OSBPL6: variants seen among roughly 807,000 people sequenced by gnomAD.
OSBPL6 encodes the protein oxysterol-binding protein-related protein 6.
A neutral mutation model predicts 125.8 loss-of-function variants in OSBPL6; 49 were observed. That is an observed-to-expected ratio of 0.39 (90% confidence interval 0.31 to 0.49). The LOEUF is 0.49. Ranked by LOEUF, OSBPL6 falls within the 20% of genes least tolerant of loss-of-function variation. The pLI is 0.88. For synonymous variants in OSBPL6, 394 were observed against 391.8 expected (o/e 1.01, Z -0.07); for missense variants, 986 against 1,135.4 (o/e 0.87, Z 1.89).
At chr2:178,285,908 T>C (rs1684658504) in intron 2 of OSBPL6, among the ~76,000 whole-genome samples, 1 of 152,206 alleles carries the variant, frequency 6.6e-6, no homozygotes, top group African/African-American at 2.4e-5. Flanking sequence ...ACATATATGA[T>C]TTGGGAAAGT....
At chr2:178,244,199 T>C (rs1310699150) in intron 1 of OSBPL6, among the ~76,000 whole-genome samples, 1 of 152,192 alleles carries the variant, frequency 6.6e-6, no homozygotes, top group East Asian at 1.9e-4. Context: ...CACATGCTAC[T>C]CCCTCTGTCT....
At chr2:178,267,485 A>C in intron 1 of OSBPL6, among the ~76,000 whole-genome samples, 1 of 152,314 alleles carries the variant, frequency 6.6e-6, no homozygotes, top group East Asian at 1.9e-4. Context: ...GATGAAAAGA[A>C]AACTGAAAAT....
At chr2:178,234,026 A>T (rs575212638) in intron 1 of OSBPL6, among the ~76,000 whole-genome samples, 1 of 152,156 alleles carries the variant, frequency 6.6e-6, no homozygotes, top group Non-Finnish European at 1.5e-5. Context: ...CAGCTATTTA[A>T]TAATACTAAT....
At chr2:178,332,799 CGA>C in intron 7 of OSBPL6, 45 bp downstream of exon 7, 2 of 1,610,002 alleles carry the variant, frequency 1.2e-6, no homozygotes, top group Non-Finnish European at 1.7e-6. Flanking sequence ...TCAGGGGAAA[CGA>C]TTTGCCTACA....
chr2:178,246,743 A>G (rs1317737828), intron 1 of OSBPL6, among the ~76,000 whole-genome samples: 3 of 152,184 alleles, frequency 2.0e-5, no homozygotes, highest in Non-Finnish European at 2.9e-5. Context: ...CTGTGGCCTC[A>G]TAATTAGCCT....
intron 1 of OSBPL6, among the ~76,000 whole-genome samples, chr2:178,283,384 G>GT (rs1184838242): frequency 1.4e-5 from 2 of 146,742 alleles, no homozygotes; most frequent in African/African-American, 2.5e-5. Context: ...TTCTCAATAA[G>GT]TAAAAAAAAA....
intron 1 of OSBPL6, among the ~76,000 whole-genome samples, chr2:178,274,545 C>A (rs2092432842): frequency 6.6e-6 from 1 of 152,122 alleles, no homozygotes; most frequent in African/African-American, 2.4e-5. Flanking sequence ...TGCCCAAGGT[C>A]ACATTACTGG....
chr2:178,383,900 G>A, intron 17 of OSBPL6, 139 bp from the exon 18 acceptor site: 1 of 1,040,966 alleles, frequency 9.6e-7, no homozygotes, highest in Non-Finnish European at 1.4e-6. Context: ...TAAAAATTCT[G>A]TACAGACAAT....
At chr2:178,370,205 C>T (rs1313407814) in intron 13 of OSBPL6, among the ~76,000 whole-genome samples, 3 of 152,136 alleles carry the variant, frequency 2.0e-5, no homozygotes, top group East Asian at 3.9e-4. Context: ...GCCGAGGTTG[C>T]AGTGAGCTGA....
intron 1 of OSBPL6, among the ~76,000 whole-genome samples, chr2:178,210,075 A>T (rs1559118635): frequency 1.3e-5 from 2 of 152,064 alleles, no homozygotes; most frequent in Non-Finnish European, 2.9e-5. Context: ...GCTGGAGTGC[A>T]GTGGCATGAT....
In OSBPL6 at chr2:178,296,732, G is replaced by A. The variant is rs568491513; in HGVS notation, c.-155-9298G>A. ...CAGCTCACCACTAGATACGTGCCAA[G>A]GTTACCACACTCCAATTAAATGAGT... On this transcript the variant is annotated intron_variant, in intron 2 of 24. Transcript: ENST00000190611. Among the ~76,000 whole-genome samples, 153 of 152,154 alleles carry A rather than the reference G, an allele frequency of 1.0e-3. 2 individuals carry two copies. The highest frequency in any genetic ancestry group is 3.4e-3 in the Middle Eastern group (1 of 294).
At chr2:178,239,252 A>G (rs920075133) in intron 1 of OSBPL6, among the ~76,000 whole-genome samples, 1 of 152,254 alleles carries the variant, frequency 6.6e-6, no homozygotes, top group Non-Finnish European at 1.5e-5. Flanking sequence ...TAGAAATTTT[A>G]CAAAGATGAG....
chr2:178,383,113 C>G lies in OSBPL6; in HGVS notation c.1711C>G (p.Leu571Val). 2 of 1,614,206 alleles carry G rather than the reference C, an allele frequency of 1.2e-6. No individual in the cohort carries two copies. The highest frequency in any genetic ancestry group is 8.5e-7 in the Non-Finnish European group (1 of 1,180,050). ...TTGTCCTGACACCAGTAACATTAAC[C>G]TGTGGAATATCTTGAGGAACAACAT... ...APCPDTSNIN[L>V]WNILRNNIGK... The change falls in exon 17 of 25, where the codon CTG (leucine) becomes GTG (valine). Residue 571 changes from leucine (L) to valine (V), a missense_variant. Leu to Val is a conservative substitution (Grantham distance 32). Around this residue, in one of 3 missense-constraint regions of OSBPL6, gnomAD observed 843 missense variants for 997.3 expected, o/e 0.85. Coordinates refer to ENST00000190611, the MANE Select transcript of OSBPL6 (RefSeq NM_032523.4).
At chr2:178,259,580 C>G (rs1256451112) in intron 1 of OSBPL6, among the ~76,000 whole-genome samples, 5 of 152,006 alleles carry the variant, frequency 3.3e-5, no homozygotes, top group Non-Finnish European at 5.9e-5. Context: ...TTAATTATCT[C>G]TATTTTAGGT....
At chr2:178,337,630 G>GTAA (rs1220890066) in intron 9 of OSBPL6, among the ~76,000 whole-genome samples, 1 of 152,200 alleles carries the variant, frequency 6.6e-6, no homozygotes, top group African/African-American at 2.4e-5. Flanking sequence ...TCAGTAAGCA[G>GTAA]GTAGGAGAGC....
chr2:178,343,053 T>C (rs1357598372), intron 11 of OSBPL6, among the ~76,000 whole-genome samples: 1 of 152,152 alleles, frequency 6.6e-6, no homozygotes, highest in Non-Finnish European at 1.5e-5. Context: ...AGAAGACTTA[T>C]GAAGATGGAA....
intron 13 of OSBPL6, among the ~76,000 whole-genome samples, chr2:178,362,536 C>T (rs1479568282): frequency 6.6e-6 from 1 of 151,980 alleles, no homozygotes; most frequent in Non-Finnish European, 1.5e-5. Flanking sequence ...AATTCAATGT[C>T]GTTATGTGAT....
At chr2:178,232,141 A>G (rs2090858540) in intron 1 of OSBPL6, among the ~76,000 whole-genome samples, 1 of 152,158 alleles carries the variant, frequency 6.6e-6, no homozygotes, top group Admixed American at 6.5e-5. Flanking sequence ...CTTTTCCTAT[A>G]CATTTTTCTT....
At chr2:178,237,292 G>T (rs151153198) in intron 1 of OSBPL6, among the ~76,000 whole-genome samples, 1 of 152,072 alleles carries the variant, frequency 6.6e-6, no homozygotes, top group Non-Finnish European at 1.5e-5. Context: ...AATTCTTGCT[G>T]CTTACTTTTC....
Sources: allele counts gnomAD v4.1 joint callset (sites outside exome capture counted in the v4.1 genomes callset), GRCh38; gene constraint gnomAD v4.1.1; regional missense constraint gnomAD v4.1.1; transcripts MANE v1.5; gene names NCBI Gene and HGNC (gene_info 2026-07-23, HGNC 2026-07-21).